The following BCOR variants were observed in gnomAD, a reference collection of about 807,000 sequenced individuals.
The protein encoded by BCOR is BCL-6 corepressor.
In BCOR, 10 loss-of-function variants were observed where a neutral mutation model predicts 86.7. The observed-to-expected ratio is 0.12, with a 90% CI of 0.07 to 0.20. The LOEUF is 0.20. BCOR is among the 10% of genes least tolerant of loss of function. The probability of loss-of-function intolerance (pLI) is 1.00; values close to 1 mark genes in which losing one functional copy is unlikely to be tolerated. For missense variants in BCOR, 1,259 were observed against 1,452.1 expected (o/e 0.87, Z 2.16); for synonymous variants, 611 against 609.0 (o/e 1.00, Z -0.05).
intron 1 of BCOR, among the ~76,000 whole-genome samples, chrX:40,142,983 A>T (rs1937955209): frequency 8.9e-6 from 1 of 112,092 alleles, no homozygotes; most frequent in African/African-American, 3.2e-5. Flanking sequence ...ACCCAGGGGC[A>T]AAAACCAAGG....
chrX:40,078,578 G>A (rs188337413), intron 1 of BCOR, among the ~76,000 whole-genome samples: 75 of 112,288 alleles, frequency 6.7e-4, no homozygotes, highest in Middle Eastern at 4.6e-3. Flanking sequence ...CGCCCCACCA[G>A]AGCCCTGGAT....
At chrX:40,132,999 G>A (rs930153008) in intron 1 of BCOR, among the ~76,000 whole-genome samples, 9 of 112,264 alleles carry the variant, frequency 8.0e-5, no homozygotes, top group Non-Finnish European at 1.1e-4. Flanking sequence ...TGCGTGAACC[G>A]GACAGTGAAA....
At chrX:40,165,072 G>C (rs1938486931) in intron 1 of BCOR, among the ~76,000 whole-genome samples, 2 of 111,597 alleles carry the variant, frequency 1.8e-5, no homozygotes, top group Admixed American at 1.9e-4. Context: ...GAATGTGATG[G>C]ACCGAGGAGG....
At chrX:40,099,962 C>G (rs979099180), upstream of BCOR, among the ~76,000 whole-genome samples, 15 of 112,049 alleles carry the variant, frequency 1.3e-4, no homozygotes, top group African/African-American at 4.5e-4. Context: ...TCTTCCTGGT[C>G]TTTCTGGGGG....
In BCOR at chrX:40,088,716, T is replaced by C. The variant is rs1009858859; in HGVS notation, c.-41+8499A>G. 1.8e-3 allele frequency among the ~76,000 whole-genome samples: 198 copies of C among 112,102 alleles called. 1 individual carries two copies. The highest frequency in any genetic ancestry group is 4.5e-4 in the Non-Finnish European group (24 of 53,245). On this transcript the variant is annotated intron_variant, in intron 1 of 14. Coordinates refer to ENST00000378444, the MANE Select transcript of BCOR (RefSeq NM_001123385.2). ...AAGAAGCAATCCCTGGCAGACTTTATTGAAAACCACATTGAGCCCTCATAA... is the reference window on the plus strand; with the variant it reads ...AAGAAGCAATCCCTGGCAGACTTTACTGAAAACCACATTGAGCCCTCATAA...
intron 1 of BCOR, among the ~76,000 whole-genome samples, chrX:40,154,111 A>G (rs969482762): frequency 6.5e-4 from 73 of 111,627 alleles, no homozygotes; most frequent in Middle Eastern, 4.7e-3. Context: ...CTGCTCTGGA[A>G]TAATAAAAAA....
chrX:40,062,240 T>C lies in BCOR; in HGVS notation c.4327A>G (p.Thr1443Ala), dbSNP rs759697698. ...QLPCSSSPQETTQSRPMPPEA... is the reference protein window; with the variant it reads ...QLPCSSSPQEATQSRPMPPEA... ...GGCGGCATAGGGCGAGACTGGGTGG[T>C]CTCCTGAGGGGAACTTGAGCATGGC... The change falls in exon 10 of 15, where the codon ACC becomes GCC. Residue 1443 changes from threonine to alanine, a missense_variant. By Grantham distance (58) the Thr-to-Ala change is moderately conservative. Coordinates refer to ENST00000378444, the MANE Select transcript of BCOR (RefSeq NM_001123385.2). 2 of 1,208,693 alleles carry C rather than the reference T, an allele frequency of 1.7e-6. No homozygotes were observed. Among genetic ancestry groups the C allele is most frequent in the Non-Finnish European group, 2.2e-6 (2 of 894,778 alleles).
In BCOR at chrX:40,125,575, G is replaced by A. The variant is rs768893022; in HGVS notation, c.-40-47606C>T. On this transcript the variant is annotated intron_variant, in intron 1 of 14. Transcript: ENST00000342274. ...AATCACTACATTTTTCCTCCCTCAC[G>A]CCCAACCAAGTGAGTGAGCCACCAT... 2.7e-5 allele frequency among the ~76,000 whole-genome samples: 3 copies of A among 110,666 alleles called. No individual in the cohort carries two copies. In the East Asian group the frequency reaches 8.6e-4, roughly 32 times the overall value.
chrX:40,075,092 G>A lies in BCOR; in HGVS notation c.254C>T (p.Pro85Leu), dbSNP rs121434618. 8.3e-7 allele frequency: 1 copy of A among 1,205,935 alleles called. No homozygotes were observed. Among genetic ancestry groups the A allele is most frequent in the African/African-American group, 1.8e-5 (1 of 56,602 alleles). The change falls in exon 4 of 15, where the codon CCG (proline) becomes CTG (leucine). Residue 85 changes from proline (P) to leucine (L), a missense_variant. This residue lies in a region of BCOR where 174 missense variants were observed against 189.3 expected (regional missense o/e 0.92). Transcript: ENST00000378444. ...TGLIREGLRV[P>L]GNIVYSSLCG... is the part of the protein sequence containing the mutation. ...CAAGCTAGAATAGACGATGTTTCCC[G>A]GGACCCGCAGCCCTTCCCGGATCAG...
intron 1 of BCOR, among the ~76,000 whole-genome samples, chrX:40,171,497 G>T (rs1305053121): frequency 2.9e-5 from 2 of 69,195 alleles, no homozygotes; most frequent in Non-Finnish European, 5.3e-5. Flanking sequence ...TAATCCCCAT[G>T]GGGGGGGGGC....
At chrX:40,103,075 C>T (rs932361295) in intron 1 of BCOR, among the ~76,000 whole-genome samples, 2 of 106,039 alleles carry the variant, frequency 1.9e-5, no homozygotes, top group Non-Finnish European at 3.8e-5. Flanking sequence ...AGCCGCGCAG[C>T]CCCCGGCCCT....
chrX:40,129,521 TG>T (rs1555934119), intron 1 of BCOR, among the ~76,000 whole-genome samples: 1 of 106,193 alleles, frequency 9.4e-6, no homozygotes, highest in Non-Finnish European at 1.9e-5. Context: ...GGTCACATAA[TG>T]GGGGGGCCAG....
chrX:40,094,510 G>A (rs1341971379), intron 1 of BCOR, among the ~76,000 whole-genome samples: 1 of 113,167 alleles, frequency 8.8e-6, no homozygotes, highest in Non-Finnish European at 1.9e-5. Flanking sequence ...GGCTGCCGGG[G>A]CACAGTCACA....
chrX:40,113,526 A>T (rs1335412636), intron 1 of BCOR, among the ~76,000 whole-genome samples: 2 of 111,598 alleles, frequency 1.8e-5, no homozygotes, highest in Admixed American at 1.9e-4. Context: ...TCACCCTCTG[A>T]AGGCCAACCA....
intron 1 of BCOR, among the ~76,000 whole-genome samples, chrX:40,104,659 C>T (rs1937136346): frequency 8.9e-6 from 1 of 111,893 alleles, no homozygotes; most frequent in African/African-American, 3.2e-5. Context: ...GCGTCCGGCA[C>T]ATGCCAAGTC....
intron 1 of BCOR, among the ~76,000 whole-genome samples, chrX:40,086,575 G>A (rs191349603): frequency 3.5e-5 from 4 of 113,464 alleles, no homozygotes; most frequent in Admixed American, 1.8e-4. Flanking sequence ...CGGGTGTGCC[G>A]TGGAGCTTTC....
chrX:40,169,544 C>A (rs1212719542), intron 1 of BCOR, among the ~76,000 whole-genome samples: 1 of 110,761 alleles, frequency 9.0e-6, no homozygotes, highest in Non-Finnish European at 1.9e-5. Flanking sequence ...CTTTCAAATA[C>A]GGTGTTTTAA....
rs540237938 is a variant in BCOR at position 40,061,960 on chromosome X, A to G, written c.4428+179T>C. On this transcript the variant is annotated intron_variant, in intron 10 of 14. Coordinates refer to ENST00000378444, the MANE Select transcript of BCOR (RefSeq NM_001123385.2). ...CTTTCTTTCCACACCGCGATTGAAC[A>G]AGCCACCAAAGAGACAGCAGTGAGA... is the stretch of plus-strand genomic sequence containing the variant. Among the ~76,000 whole-genome samples the G allele has an allele frequency of 9.9e-5, 11 of 110,673 alleles. No homozygotes were observed. In the South Asian group the frequency reaches 1.6e-3, roughly 16 times the overall value.
At position 40,062,206 on chromosome X, in the gene BCOR, C is replaced by T. The variant is rs1018691198; in HGVS notation, c.4361G>A (p.Arg1454Gln). The T allele has an allele frequency of 2.5e-6, 3 of 1,209,417 alleles. No homozygotes were observed. The highest frequency in any genetic ancestry group is 2.2e-6 in the Non-Finnish European group (2 of 894,490). Residue 1454 changes from arginine to glutamine, a missense_variant, in exon 10 of 15, where the codon CGG becomes CAG. Arg to Gln is a conservative substitution (Grantham distance 43, BLOSUM62 1). Around this residue, in one of 7 missense-constraint regions of BCOR, gnomAD observed 47 missense variants for 102.1 expected, o/e 0.46. Coordinates refer to ENST00000378444, the MANE Select transcript of BCOR (RefSeq NM_001123385.2). The part of the protein sequence containing the change: ...TQSRPMPPEA[R>Q]RLIVNKNAGE... ...AGCGTTCTTATTGACAATAAGTCTC[C>T]GTGCTTCCGGCGGCATAGGGCGAGA...
Sources: gnomAD v4.1 joint callset for allele counts (sites outside exome capture counted in the v4.1 genomes callset) on GRCh38, gnomAD v4.1.1 for gene constraint, gnomAD v4.1.1 regional missense constraint, MANE v1.5 for transcripts, NCBI Gene and HGNC (gene_info 2026-07-23, HGNC 2026-07-21) for gene names.